The following VEZT variants were observed in gnomAD, a reference collection of about 807,000 sequenced individuals.
VEZT encodes vezatin, adherens junctions transmembrane protein.
A neutral mutation model predicts 79.9 loss-of-function variants in VEZT; 39 were observed. The ratio of observed to expected loss-of-function variants is 0.49; its 90% CI spans 0.38 to 0.64. VEZT has a LOEUF of 0.64. Among genes scored for constraint, VEZT ranks in the 30% least tolerant of loss-of-function variants. VEZT has a pLI of 0.00. For synonymous variants in VEZT, 325 were observed against 327.6 expected, an observed-to-expected ratio of 0.99 and a Z score of 0.09; for missense variants, 837 against 893.1, an observed-to-expected ratio of 0.94 and a Z score of 0.80.
rs539790998 is a variant in VEZT, at chr12:95,262,775, G to T, written c.259-131G>T. 8.0e-6 allele frequency: 6 copies of T among 754,712 alleles called. No homozygotes were observed. The African/African-American group carries it at 1.1e-4, about 13-fold the overall frequency. 46.8% of individuals were successfully genotyped at this position (754,712 alleles called of 1,614,324 possible). A position where few individuals can be genotyped will look rare whatever the true frequency, so the allele number is the denominator to read the frequency against. ...CAGCTATCATACTGAAGGTAGATTG[G>T]ACTGTTGTTTCTTCTTGAAGTATCT... On this transcript the variant is annotated intron_variant, in intron 3 of 11. Transcript: ENST00000436874.
chr12:95,235,535 C>CA (rs2059971494), intron 1 of VEZT, among the ~76,000 whole-genome samples: 1 of 136,972 alleles, frequency 7.3e-6, no homozygotes. Context: ...GCTGGCCGGG[C>CA]GGGGGGCTGA....
intron 7 of VEZT, among the ~76,000 whole-genome samples, chr12:95,279,286 C>T (rs1480643286): frequency 6.6e-6 from 1 of 152,098 alleles, no homozygotes; most frequent in Non-Finnish European, 1.5e-5. Flanking sequence ...AATTTTGGAG[C>T]ATTTGGGATT....
At chr12:95,294,436 A>G in intron 10 of VEZT, 64 bp downstream of exon 10, 1 of 1,253,054 alleles carries the variant, frequency 8.0e-7, no homozygotes, top group Non-Finnish European at 1.1e-6. Context: ...CTTCAAAATT[A>G]CAACATAATA....
chr12:95,300,767 A>G lies in VEZT; in HGVS notation c.*94A>G, dbSNP rs2075123591. On this transcript the variant is annotated 3_prime_UTR_variant, in exon 12 of 12. Transcript: ENST00000436874. Reference sequence around the variant, plus strand: ...AAGGGAATATGAGTGTAAGTTTACTATATATAAAGCTAAGATGTGGATTTA... The same window carrying G: ...AAGGGAATATGAGTGTAAGTTTACTGTATATAAAGCTAAGATGTGGATTTA... The G allele has an allele frequency of 1.4e-6, 2 of 1,414,046 alleles. No homozygotes were observed. The highest frequency in any genetic ancestry group is 2.9e-5 in the Admixed American group (1 of 34,226). 87.6% of individuals were successfully genotyped at this position (1,414,046 alleles called of 1,614,324 possible). A position where few individuals can be genotyped will look rare whatever the true frequency, so the allele number is the denominator to read the frequency against.
chr12:95,256,694 C>G, intron 2 of VEZT: 1 of 832,186 alleles, frequency 1.2e-6, no homozygotes, highest in South Asian at 1.5e-5. Context: ...CTAAAATGGT[C>G]AAAGTATCTT....
chr12:95,224,130 T>C (rs2058052072), intron 1 of VEZT: 1 of 455,892 alleles, frequency 2.2e-6, no homozygotes, highest in Non-Finnish European at 4.4e-6. Flanking sequence ...TCCACCCTGA[T>C]CATTATGGAC....
intron 2 of VEZT, among the ~76,000 whole-genome samples, chr12:95,256,081 C>T (rs1048395868): frequency 2.0e-5 from 3 of 151,500 alleles, no homozygotes; most frequent in Non-Finnish European, 4.4e-5. Context: ...GATGCAGTTT[C>T]GCTCTTGTCA....
chr12:95,229,091 A>G (rs1389337544), intron 1 of VEZT, among the ~76,000 whole-genome samples: 1 of 152,196 alleles, frequency 6.6e-6, no homozygotes, highest in African/African-American at 2.4e-5. Flanking sequence ...TATAAAAATT[A>G]TTCTTGGGGA....
chr12:95,222,584 C>T (rs546472602), intron 1 of VEZT, among the ~76,000 whole-genome samples: 89 of 152,096 alleles, frequency 5.9e-4, no homozygotes, highest in Non-Finnish European at 1.1e-3. Context: ...TAGCATAAGA[C>T]CCTTCAGCTG....
intron 1 of VEZT, among the ~76,000 whole-genome samples, chr12:95,222,391 C>A (rs979856697): frequency 7.2e-5 from 11 of 152,188 alleles, no homozygotes; most frequent in African/African-American, 2.7e-4. Flanking sequence ...GCACCATTTA[C>A]TGAACAGATC....
Position 95,296,149 on chromosome 12 carries a change from T to A in VEZT, c.1722T>A (p.Arg574=), listed in dbSNP as rs1273877050. ...LSQEDKERQK[R]EHEESKRVLQ... Reference sequence around the variant, plus strand: ...AAGAAGACAAAGAGAGACAGAAGCGTGAGCATGAAGAATCCAAGAGGGTGC... The same window carrying A: ...AAGAAGACAAAGAGAGACAGAAGCGAGAGCATGAAGAATCCAAGAGGGTGC... The change falls in exon 11 of 12, where the codon CGT becomes CGA. Residue 574 remains arginine, a synonymous_variant. Coordinates refer to ENST00000436874, the MANE Select transcript of VEZT (RefSeq NM_017599.4). 6.4e-7 allele frequency: 1 copy of A among 1,572,580 alleles called. No individual in the cohort carries two copies. The highest frequency in any genetic ancestry group is 8.6e-7 in the Non-Finnish European group (1 of 1,157,700).
In VEZT at chr12:95,240,058, AAGGAAGGAAGGAAGG is replaced by A. The variant is rs1566040788; in HGVS notation, c.37-11880_37-11866del. Among the ~76,000 whole-genome samples the A allele has an allele frequency of 5.9e-3, 825 of 139,828 alleles. 14 individuals carry two copies. The highest frequency in any genetic ancestry group is 0.012 in the African/African-American group (423 of 35,632). The allele number at this position is 139,828 out of a possible 152,430, so 91.7% of individuals were successfully genotyped here. On this transcript the variant is annotated intron_variant, in intron 1 of 11. Transcript: ENST00000436874. The stretch of plus-strand genomic sequence containing the variant: ...GAAGGAAGGAAGGAAGGAAGGAAGG[AAGGAAGGAAGGAAGG>A]AAGAAAAGAAAGAGGAAAACAGAAA...
Position 95,294,388 on chromosome 12 carries a change from A to G in VEZT, c.1623+16A>G, listed in dbSNP as rs1047213656. On this transcript the variant is annotated intron_variant, in intron 10 of 11. Transcript: ENST00000436874. ...AGAGGAGCAGGTAAGGGTGAAAATT[A>G]CTGTTCTTTCCCTTGTTGGATTTCT... 1.9e-6 allele frequency: 3 copies of G among 1,547,102 alleles called. No individual in the cohort carries two copies. The African/African-American group carries it at 4.1e-5, about 21-fold the overall frequency.
intron 1 of VEZT, among the ~76,000 whole-genome samples, chr12:95,219,313 T>C (rs548475495): frequency 9.2e-5 from 14 of 152,328 alleles, no homozygotes; most frequent in African/African-American, 3.1e-4. Context: ...GTTAAAATCA[T>C]CCATTATCCC....
rs1198027001 is a variant in VEZT at position 95,266,554 on chromosome 12, G to T, written c.632G>T (p.Ser211Ile). ...CATTTGGAAGATATGGCCACAAACA[G>T]CCGAGCTTTTACTAACCTCGTGAGA... ...SVHLEDMATN[S>I]RAFTNLVRKA... Residue 211 changes from serine (S) to isoleucine (I), a missense_variant, in exon 5 of 12, where the codon AGC becomes ATC. Transcript: ENST00000436874. 6.2e-7 allele frequency: 1 copy of T among 1,613,818 alleles called. No homozygotes were observed. The highest frequency in any genetic ancestry group is 8.5e-7 in the Non-Finnish European group (1 of 1,179,886).
chr12:95,247,904 T>C lies in VEZT; in HGVS notation c.37-4036T>C, dbSNP rs545993322. Among the ~76,000 whole-genome samples, 10 of 152,250 alleles carry C rather than the reference T, an allele frequency of 6.6e-5. No individual in the cohort carries two copies. In the South Asian group the frequency reaches 2.1e-3, roughly 32 times the overall value. On this transcript the variant is annotated intron_variant, in intron 1 of 11. Transcript: ENST00000436874. ...GCACTAACAGCCAAAAATAGAAAAA[T>C]GCAAATATGAAATATAATAGTAGAT...
chr12:95,281,919 C>A (rs1452717043), intron 7 of VEZT, among the ~76,000 whole-genome samples: 1 of 151,964 alleles, frequency 6.6e-6, no homozygotes, highest in Non-Finnish European at 1.5e-5. Context: ...CCATGTGACT[C>A]ATTTCTTTGG....
Position 95,287,877 on chromosome 12 carries a change from T to C in VEZT, c.1522+20T>C, listed in dbSNP as rs139314659. On this transcript the variant is annotated intron_variant, in intron 9 of 11. Coordinates refer to ENST00000436874, the MANE Select transcript of VEZT (RefSeq NM_017599.4). ...AAAAAGGTACCTGTGAGAGATTTCT[T>C]TGCCATATGCTTATCAGACATGCTT... 2.2e-4 allele frequency: 338 copies of C among 1,566,064 alleles called. No individual in the cohort carries two copies. The East Asian group carries it at 6.0e-3, about 28-fold the overall frequency.
chr12:95,240,378 G>C (rs1025790254), intron 1 of VEZT, among the ~76,000 whole-genome samples: 1 of 152,132 alleles, frequency 6.6e-6, no homozygotes, highest in Non-Finnish European at 1.5e-5. Flanking sequence ...TTTATTGGAA[G>C]ACTGAAGTTC....
Sources: gnomAD v4.1 joint callset for allele counts (sites outside exome capture counted in the v4.1 genomes callset) on GRCh38, gnomAD v4.1.1 for gene constraint, MANE v1.5 for transcripts, NCBI Gene and HGNC (gene_info 2026-07-23, HGNC 2026-07-21) for gene names.